The following SOX17 variants were observed in gnomAD, a reference collection of about 807,000 sequenced individuals.
The protein encoded by SOX17 is SRY-box transcription factor 17.
SOX17 carries 4 observed loss-of-function variants against 16.0 expected under a neutral mutation model. The ratio of observed to expected loss-of-function variants is 0.25; its 90% CI spans 0.12 to 0.57. The LOEUF (loss-of-function observed/expected upper bound fraction) is 0.57. SOX17 is among the 20% of genes least tolerant of loss of function. The probability of loss-of-function intolerance (pLI) is 0.92; values close to 1 mark genes in which losing one functional copy is unlikely to be tolerated. For synonymous variants in SOX17, 357 were observed against 284.6 expected (o/e 1.25, Z -2.56); for missense variants, 633 against 609.7 (o/e 1.04, Z -0.40).
rs1224686802 is a variant in SOX17 at position 54,460,025 on chromosome 8, C to T, written c.*30C>T. The T allele has an allele frequency of 6.2e-7, 1 of 1,609,336 alleles. No homozygotes were observed. Among genetic ancestry groups the T allele is most frequent in the Non-Finnish European group, 8.5e-7 (1 of 1,176,512 alleles). ...TCCCTGATCCGCCCCAGCCTGCAGG[C>T]CAGAAGCAGTGTTACACACTTCCTG... On this transcript the variant is annotated 3_prime_UTR_variant, in exon 2 of 2. Coordinates refer to ENST00000297316, the MANE Select transcript of SOX17 (RefSeq NM_022454.4).
Position 54,460,488 on chromosome 8 carries a change from A to T in SOX17, c.*493A>T. ...CTCATCCTCGAAAAGGGTGAACATAAATGCCTTTAAGGAGTATATCTAAAA... is the reference window on the plus strand; with the variant it reads ...CTCATCCTCGAAAAGGGTGAACATATATGCCTTTAAGGAGTATATCTAAAA... On this transcript the variant is annotated 3_prime_UTR_variant, in exon 2 of 2. Coordinates refer to ENST00000297316, the MANE Select transcript of SOX17 (RefSeq NM_022454.4). The T allele has an allele frequency of 4.0e-6, 1 of 250,710 alleles. No individual in the cohort carries two copies. The highest frequency in any genetic ancestry group is 7.8e-6 in the Non-Finnish European group (1 of 128,350). 15.5% of individuals were successfully genotyped at this position (250,710 alleles called of 1,614,324 possible).
intron 1 of SOX17, among the ~76,000 whole-genome samples, chr8:54,458,730 G>A (rs1216019763): frequency 6.6e-6 from 1 of 152,224 alleles, no homozygotes; most frequent in African/African-American, 2.4e-5. Flanking sequence ...GGCGGCGCGA[G>A]AGCACCCTTG....
chr8:54,460,087 G>A lies in SOX17; in HGVS notation c.*92G>A, dbSNP rs1586330869. 3 of 1,315,622 alleles carry A rather than the reference G, an allele frequency of 2.3e-6. No homozygotes were observed. The highest frequency in any genetic ancestry group is 3.6e-4 in the Middle Eastern group (2 of 5,508). 81.5% of individuals were successfully genotyped at this position (1,315,622 alleles called of 1,614,324 possible). A position where few individuals can be genotyped will look rare whatever the true frequency, so the allele number is the denominator to read the frequency against. ...GAAATCCTCAGACTCCTGGGTTTTT[G>A]TTGTTGCTGTTGTTGTTTTTTAAAA... is the stretch of plus-strand genomic sequence containing the variant. On this transcript the variant is annotated 3_prime_UTR_variant, in exon 2 of 2. Coordinates refer to ENST00000297316, the MANE Select transcript of SOX17 (RefSeq NM_022454.4).
Position 54,459,769 on chromosome 8 carries a change from T to G in SOX17, c.1019T>G (p.Leu340Arg), listed in dbSNP as rs764856053. ...PGQPSPPPEA[L>R]PCRDGTDPSQ... ...CAGCCGTCGCCCCCTCCGGAGGCAC[T>G]GCCCTGCCGGGACGGCACGGACCCC... Residue 340 changes from leucine to arginine, a missense_variant, in exon 2 of 2, where the codon CTG becomes CGG. By Grantham distance (102) the Leu-to-Arg change is moderately radical. This residue lies in a region of SOX17 where 479 missense variants were observed against 397.2 expected (regional missense o/e 1.21). Transcript: ENST00000297316. The G allele has an allele frequency of 2.5e-6, 4 of 1,592,478 alleles. No homozygotes were observed. The highest frequency in any genetic ancestry group is 3.4e-6 in the Non-Finnish European group (4 of 1,170,864).
In SOX17 at chr8:54,460,465, C is replaced by T. The variant is rs775429927; in HGVS notation, c.*470C>T. On this transcript the variant is annotated 3_prime_UTR_variant, in exon 2 of 2. Transcript: ENST00000297316. Reference sequence around the variant, plus strand: ...AGTTTATTAGTTAATGTAAATTTCTCATCCTCGAAAAGGGTGAACATAAAT... The same window carrying T: ...AGTTTATTAGTTAATGTAAATTTCTTATCCTCGAAAAGGGTGAACATAAAT... 2.5e-4 allele frequency: 64 copies of T among 254,916 alleles called. No individual in the cohort carries two copies. The highest frequency in any genetic ancestry group is 4.4e-4 in the Non-Finnish European group (57 of 130,946). The allele number at this position is 254,916 out of a possible 1,614,324, so 15.8% of individuals were successfully genotyped here.
chr8:54,457,939 T>A lies in SOX17; in HGVS notation c.-200T>A. 1.7e-6 allele frequency: 1 copy of A among 600,942 alleles called. No homozygotes were observed. The highest frequency in any genetic ancestry group is 2.7e-6 in the Non-Finnish European group (1 of 375,358). The allele number at this position is 600,942 out of a possible 1,614,324, so 37.2% of individuals were successfully genotyped here. ...CCCCGCGGCCCAGGGGCGCCCGCAG[T>A]GTCACTAGGCCGGCTGGGGGCCCTG... is the stretch of plus-strand genomic sequence containing the variant. On this transcript the variant is annotated 5_prime_UTR_variant, in exon 1 of 2. Transcript: ENST00000297316.
rs1443860287 is a variant in SOX17, at chr8:54,460,009, C to T, written c.*14C>T. 3.7e-6 allele frequency: 6 copies of T among 1,613,162 alleles called. No homozygotes were observed. In the Admixed American group the frequency reaches 5.0e-5, roughly 13 times the overall value. On this transcript the variant is annotated 3_prime_UTR_variant, in exon 2 of 2. Transcript: ENST00000297316. ...CCTGACGTGTGACAGGTCCCTGATC[C>T]GCCCCAGCCTGCAGGCCAGAAGCAG...
intron 1 of SOX17, 86 bp downstream of exon 1, chr8:54,458,531 G>C (rs1586329257): frequency 6.6e-7 from 1 of 1,513,872 alleles, no homozygotes; most frequent in South Asian, 1.2e-5. Context: ...TGTTCTTTGC[G>C]AGCCTGACGC....
chr8:54,459,457 T>C lies in SOX17; in HGVS notation c.707T>C (p.Phe236Ser). 1 of 1,522,526 alleles carries C rather than the reference T, an allele frequency of 6.6e-7. No individual in the cohort carries two copies. The highest frequency in any genetic ancestry group is 1.4e-5 in the African/African-American group (1 of 70,608). 94.3% of individuals were successfully genotyped at this position (1,522,526 alleles called of 1,614,324 possible). A position where few individuals can be genotyped will look rare whatever the true frequency, so the allele number is the denominator to read the frequency against. Reference sequence around the variant, plus strand: ...GACGGCGTGGACCCCGACCCGGCTTTCTTCGCCGCCCCGATGCCCGGGGAC... The same window carrying C: ...GACGGCGTGGACCCCGACCCGGCTTCCTTCGCCGCCCCGATGCCCGGGGAC... ...PLDGVDPDPA[F>S]FAAPMPGDCP... is the part of the protein sequence containing the mutation. Residue 236 changes from phenylalanine (F) to serine (S), a missense_variant, in exon 2 of 2, where the codon TTC becomes TCC. Transcript: ENST00000297316.
Position 54,459,060 on chromosome 8 carries a change from A to C in SOX17, c.310A>C (p.Lys104Gln). 1.9e-6 allele frequency: 3 copies of C among 1,602,590 alleles called. No homozygotes were observed. The highest frequency in any genetic ancestry group is 2.6e-6 in the Non-Finnish European group (3 of 1,175,362). Residue 104 changes from lysine (K) to glutamine (Q), a missense_variant and splice_region_variant, in exon 2 of 2, where the codon AAG becomes CAG. Lys to Gln is a moderately conservative substitution (Grantham distance 53). Transcript: ENST00000297316. ...HNAELSKMLG[K>Q]SWKALTLAEK... The stretch of plus-strand genomic sequence containing the variant: ...TCCCCCTTCCTTCCACTGTGCAGGC[A>C]AGTCGTGGAAGGCGCTGACGCTGGC...
Position 54,459,273 on chromosome 8 carries a change from G to T in SOX17, c.523G>T (p.Ala175Ser). 1 of 1,510,178 alleles carries T rather than the reference G, an allele frequency of 6.6e-7. No individual in the cohort carries two copies. The highest frequency in any genetic ancestry group is 8.8e-7 in the Non-Finnish European group (1 of 1,134,632). The allele number at this position is 1,510,178 out of a possible 1,614,324, so 93.5% of individuals were successfully genotyped here. A position where few individuals can be genotyped will look rare whatever the true frequency, so the allele number is the denominator to read the frequency against. ...AALGPEGGRV[A>S]MDGLGLQFPE... ...GCTGGGCCCCGAGGGCGGCCGCGTGGCCATGGACGGCCTGGGCCTCCAGTT... is the reference window on the plus strand; with the variant it reads ...GCTGGGCCCCGAGGGCGGCCGCGTGTCCATGGACGGCCTGGGCCTCCAGTT... Residue 175 changes from alanine to serine, a missense_variant, in exon 2 of 2, where the codon GCC (alanine) becomes TCC (serine). Transcript: ENST00000297316.
In SOX17 at chr8:54,458,323, C is replaced by G; in HGVS notation, c.185C>G (p.Ala62Gly). The change falls in exon 1 of 2, where the codon GCC (alanine) becomes GGC (glycine). Residue 62 changes from alanine to glycine, a missense_variant. Ala to Gly is a moderately conservative substitution (Grantham distance 60, BLOSUM62 0). This residue lies in a region of SOX17 where 94 missense variants were observed against 98.7 expected (regional missense o/e 0.95). Coordinates refer to ENST00000297316, the MANE Select transcript of SOX17 (RefSeq NM_022454.4). Reference protein sequence around the residue: ...SGAPAGAAGRAKGESRIRRPM... With the variant: ...SGAPAGAAGRGKGESRIRRPM... ...GCACCGGCCGGGGCCGCGGGCCGAG[C>G]CAAGGGCGAGTCCCGTATCCGGCGG... 1 of 1,612,258 alleles carries G rather than the reference C, an allele frequency of 6.2e-7. No individual in the cohort carries two copies. The highest frequency in any genetic ancestry group is 8.5e-7 in the Non-Finnish European group (1 of 1,179,776).
At position 54,459,443 on chromosome 8, in the gene SOX17, C is replaced by T. The variant is rs1563871703; in HGVS notation, c.693C>T (p.Asp231=). 2 of 1,525,526 alleles carry T rather than the reference C, an allele frequency of 1.3e-6. No homozygotes were observed. The highest frequency in any genetic ancestry group is 1.7e-6 in the Non-Finnish European group (2 of 1,143,828). The allele number at this position is 1,525,526 out of a possible 1,614,324, so 94.5% of individuals were successfully genotyped here. ...TPDTSPLDGV[D]PDPAFFAAPM... ...ACACGTCCCCGCTGGACGGCGTGGA[C>T]CCCGACCCGGCTTTCTTCGCCGCCC... The change falls in exon 2 of 2, where the codon GAC becomes GAT. Residue 231 remains aspartate, a synonymous_variant. Coordinates refer to ENST00000297316, the MANE Select transcript of SOX17 (RefSeq NM_022454.4).
chr8:54,458,946 G>A, intron 1 of SOX17, 112 bp from the exon 2 acceptor site: 4 of 974,626 alleles, frequency 4.1e-6, no homozygotes, highest in Non-Finnish European at 4.3e-6. Context: ...CCCCGGTTGC[G>A]CAATTCAAAG....
chr8:54,459,893 G>T lies in SOX17; in HGVS notation c.1143G>T (p.Gly381=), dbSNP rs1398901429. The T allele has an allele frequency of 6.2e-7, 1 of 1,613,930 alleles. No homozygotes were observed. ...CTGAGATGGGCCTCCCCTACCAGGG[G>T]CATGACTCCGGTGTGAATCTCCCCG... ...CKPEMGLPYQ[G]HDSGVNLPDS... is the part of the protein sequence containing the mutation. The change falls in exon 2 of 2, where the codon GGG becomes GGT. Residue 381 remains glycine, a synonymous_variant. Coordinates refer to ENST00000297316, the MANE Select transcript of SOX17 (RefSeq NM_022454.4).
rs1232118322 is a variant in SOX17, at chr8:54,460,112, A to G, written c.*117A>G. 15 of 1,073,204 alleles carry G rather than the reference A, an allele frequency of 1.4e-5. No individual in the cohort carries two copies. Among genetic ancestry groups the G allele is most frequent in the African/African-American group, 4.7e-5 (3 of 64,414 alleles). 66.5% of individuals were successfully genotyped at this position (1,073,204 alleles called of 1,614,324 possible). A position where few individuals can be genotyped will look rare whatever the true frequency, so the allele number is the denominator to read the frequency against. ...GTTGTTGCTGTTGTTGTTTTTTAAA[A>G]GGTGTGTTGGCATATAATTTATGGT... On this transcript the variant is annotated 3_prime_UTR_variant, in exon 2 of 2. Coordinates refer to ENST00000297316, the MANE Select transcript of SOX17 (RefSeq NM_022454.4).
At position 54,459,803 on chromosome 8, in the gene SOX17, C is replaced by A. The variant is rs149371381; in HGVS notation, c.1053C>A (p.Pro351=). 179 of 1,610,530 alleles carry A rather than the reference C, an allele frequency of 1.1e-4. 1 individual carries two copies. The African/African-American group carries it at 2.2e-3, about 20-fold the overall frequency. The change falls in exon 2 of 2, where the codon CCC becomes CCA. Residue 351 remains proline (P), a synonymous_variant. Coordinates refer to ENST00000297316, the MANE Select transcript of SOX17 (RefSeq NM_022454.4). ...PCRDGTDPSQ[P]AELLGEVDRT... ...GGGACGGCACGGACCCCAGTCAGCC[C>A]GCCGAGCTCCTCGGGGAGGTGGACC...
chr8:54,459,421 C>T lies in SOX17; in HGVS notation c.671C>T (p.Thr224Met), dbSNP rs1472360404. ...GGCTACCCGTTGCCCACGCCCGACA[C>T]GTCCCCGCTGGACGGCGTGGACCCC... Reference protein sequence around the residue: ...LDGYPLPTPDTSPLDGVDPDP... With the variant: ...LDGYPLPTPDMSPLDGVDPDP... The change falls in exon 2 of 2, where the codon ACG becomes ATG. Residue 224 changes from threonine to methionine, a missense_variant. Transcript: ENST00000297316. The T allele has an allele frequency of 2.0e-6, 3 of 1,537,266 alleles. No individual in the cohort carries two copies. Among genetic ancestry groups the T allele is most frequent in the Non-Finnish European group, 2.6e-6 (3 of 1,151,192 alleles).
chr8:54,458,262 A>G lies in SOX17; in HGVS notation c.124A>G (p.Met42Val), dbSNP rs1804669056. The G allele has an allele frequency of 6.2e-7, 1 of 1,606,966 alleles. No individual in the cohort carries two copies. The highest frequency in any genetic ancestry group is 8.5e-7 in the Non-Finnish European group (1 of 1,177,404). ...CGAGTCGCTGAGCCCCATCGGGGAC[A>G]TGAAGGTGAAGGGCGAGGCGCCGGC... is the stretch of plus-strand genomic sequence containing the variant. ...WAESLSPIGDMKVKGEAPANS... is the reference protein window; with the variant it reads ...WAESLSPIGDVKVKGEAPANS... The change falls in exon 1 of 2, where the codon ATG becomes GTG. Residue 42 changes from methionine (M) to valine (V), a missense_variant. Physicochemically the swap from Met to Val is conservative, Grantham distance 21. Coordinates refer to ENST00000297316, the MANE Select transcript of SOX17 (RefSeq NM_022454.4).
Sources: gnomAD v4.1 joint callset for allele counts (sites outside exome capture counted in the v4.1 genomes callset) on GRCh38, gnomAD v4.1.1 for gene constraint, gnomAD v4.1.1 regional missense constraint, MANE v1.5 for transcripts, NCBI Gene and HGNC (gene_info 2026-07-23, HGNC 2026-07-21) for gene names.